Variants in KCNAB1 observed in about 807,000 individuals in gnomAD.
KCNAB1 encodes potassium voltage-gated channel subfamily A regulatory beta subunit 1.
In KCNAB1, 35 loss-of-function variants were observed where a neutral mutation model predicts 64.6. The ratio of observed to expected loss-of-function variants is 0.54; its 90% CI spans 0.41 to 0.72. The LOEUF (loss-of-function observed/expected upper bound fraction) is 0.72, where lower values mean the gene tolerates loss of function less well. KCNAB1 is among the 30% of genes least tolerant of loss of function. The pLI is 0.00. For missense variants in KCNAB1, 401 were observed against 512.9 expected, an observed-to-expected ratio of 0.78 and a Z score of 2.11; for synonymous variants, 177 against 183.8, an observed-to-expected ratio of 0.96 and a Z score of 0.30.
At chr3:156,119,630 GA>G (rs896122952), upstream of KCNAB1, among the ~76,000 whole-genome samples, 2 of 152,166 alleles carry the variant, frequency 1.3e-5, no homozygotes, top group African/African-American at 4.8e-5. Flanking sequence ...TAAGTTGATT[GA>G]GGGGGAGGGT....
chr3:156,529,315 G>A (rs1718533369), intron 12 of KCNAB1, among the ~76,000 whole-genome samples: 2 of 152,182 alleles, frequency 1.3e-5, no homozygotes, highest in Non-Finnish European at 2.9e-5. Flanking sequence ...ATCAGTGGCT[G>A]CCTGGTACTT....
chr3:156,448,449 T>C (rs1049588756), intron 2 of KCNAB1, among the ~76,000 whole-genome samples: 1 of 152,176 alleles, frequency 6.6e-6, no homozygotes, highest in Non-Finnish European at 1.5e-5. Context: ...AGTTCTTCTG[T>C]CTAGAAGGCT....
intron 1 of KCNAB1, among the ~76,000 whole-genome samples, chr3:156,306,128 G>A (rs898792810): frequency 1.3e-5 from 2 of 152,142 alleles, no homozygotes; most frequent in African/African-American, 4.8e-5. Context: ...GATACTTACA[G>A]GTTAGTATTG....
chr3:156,490,051 A>G (rs1206539425), intron 8 of KCNAB1, among the ~76,000 whole-genome samples: 1 of 152,064 alleles, frequency 6.6e-6, no homozygotes, highest in East Asian at 1.9e-4. Flanking sequence ...CATTGAGTTG[A>G]CAGGCTCTAA....
intron 1 of KCNAB1, among the ~76,000 whole-genome samples, chr3:156,149,482 A>G (rs75288182): frequency 0.011 from 1,686 of 152,288 alleles, 28 homozygotes; most frequent in African/African-American, 0.039. Flanking sequence ...GGCATAAATG[A>G]GAGTTTTCAT....
intron 5 of KCNAB1, among the ~76,000 whole-genome samples, chr3:156,462,140 A>T (rs142916809): frequency 4.6e-5 from 7 of 152,252 alleles, no homozygotes; most frequent in Non-Finnish European, 1.0e-4. Context: ...ATACATTATC[A>T]TTCTCTACCC....
chr3:156,288,243 C>A (rs1265757239), intron 1 of KCNAB1, among the ~76,000 whole-genome samples: 1 of 152,178 alleles, frequency 6.6e-6, no homozygotes, highest in Non-Finnish European at 1.5e-5. Context: ...CCTCACTTTA[C>A]CTCAGTTACC....
At chr3:156,387,014 C>CTTT (rs1194708289) in intron 1 of KCNAB1, among the ~76,000 whole-genome samples, 20 of 90,516 alleles carry the variant, frequency 2.2e-4, no homozygotes, top group East Asian at 5.0e-4. Flanking sequence ...TTCTCTCTCT[C>CTTT]TTTTTTTTTT....
chr3:156,341,225 A>T (rs1423729277), intron 1 of KCNAB1, among the ~76,000 whole-genome samples: 1 of 152,220 alleles, frequency 6.6e-6, no homozygotes, highest in Non-Finnish European at 1.5e-5. Flanking sequence ...ACCTACATTC[A>T]TGGATAATTC....
chr3:156,289,053 A>G (rs1337189284), intron 1 of KCNAB1, among the ~76,000 whole-genome samples: 3 of 152,204 alleles, frequency 2.0e-5, no homozygotes, highest in African/African-American at 4.8e-5. Context: ...AAAGGTGACT[A>G]AGAGGCACTC....
chr3:156,238,980 G>A (rs728382), intron 1 of KCNAB1, among the ~76,000 whole-genome samples: 86,727 of 151,918 alleles, frequency 0.57, 25,401 homozygotes, highest in East Asian at 0.9. Context: ...CTTAAGTTTC[G>A]ACACCTTTGG....
intron 1 of KCNAB1, 135 bp downstream of exon 1, chr3:156,121,021 A>G: frequency 2.0e-6 from 2 of 1,023,064 alleles, no homozygotes; most frequent in South Asian, 3.3e-5. Flanking sequence ...GGCACTTCAG[A>G]ATGTGTAACC....
At chr3:156,299,627 A>T (rs2107984607) in intron 1 of KCNAB1, among the ~76,000 whole-genome samples, 1 of 152,306 alleles carries the variant, frequency 6.6e-6, no homozygotes, top group South Asian at 2.1e-4. Flanking sequence ...CTTGCTCCTG[A>T]AAGTCGAAAT....
chr3:156,218,845 A>T (rs943636030), intron 1 of KCNAB1, among the ~76,000 whole-genome samples: 9 of 147,402 alleles, frequency 6.1e-5, no homozygotes, highest in African/African-American at 1.8e-4. Flanking sequence ...AAATAAATAT[A>T]AAAAAAATAA....
intron 1 of KCNAB1, among the ~76,000 whole-genome samples, chr3:156,218,460 T>C (rs1422677860): frequency 6.6e-6 from 1 of 152,188 alleles, no homozygotes; most frequent in African/African-American, 2.4e-5. Context: ...TCTATAGCCC[T>C]GCCCACTGCC....
intron 1 of KCNAB1, among the ~76,000 whole-genome samples, chr3:156,328,981 C>A (rs1723160221): frequency 1.3e-5 from 2 of 151,972 alleles, no homozygotes; most frequent in Admixed American, 6.6e-5. Context: ...AAGATTCTAC[C>A]TTTTGATATT....
intron 1 of KCNAB1, among the ~76,000 whole-genome samples, chr3:156,206,921 C>G (rs1053152076): frequency 1.3e-5 from 2 of 152,158 alleles, no homozygotes; most frequent in African/African-American, 4.8e-5. Flanking sequence ...ATTTCTGTTT[C>G]TCATTTATTT....
chr3:156,262,250 G>T (rs1352005706), intron 1 of KCNAB1, among the ~76,000 whole-genome samples: 1 of 151,826 alleles, frequency 6.6e-6, no homozygotes, highest in East Asian at 1.9e-4. Flanking sequence ...AAAAGAAGTG[G>T]CAAAGTGGCA....
intron 10 of KCNAB1, among the ~76,000 whole-genome samples, 194 bp downstream of exon 10, chr3:156,515,414 A>G (rs968212959): frequency 1.3e-5 from 2 of 152,276 alleles, no homozygotes; most frequent in Admixed American, 6.5e-5. Flanking sequence ...TCTACAGGGT[A>G]TCACTGATGA....
Sources: allele counts gnomAD v4.1 joint callset (sites outside exome capture counted in the v4.1 genomes callset), GRCh38; gene constraint gnomAD v4.1.1; transcripts MANE v1.5; gene names NCBI Gene and HGNC (gene_info 2026-07-23, HGNC 2026-07-21).